TMEM40: variants seen among roughly 807,000 people sequenced by gnomAD.
TMEM40 encodes the protein transmembrane protein 40.
Under a neutral mutation model 40.8 loss-of-function variants are expected in TMEM40, and 34 were observed. The observed-to-expected ratio is 0.83, with a 90% CI of 0.63 to 1.11. TMEM40 has a LOEUF of 1.11. TMEM40 is among the 50% of genes least tolerant of loss of function. TMEM40 has a pLI of 0.00. For missense variants in TMEM40, 296 were observed against 280.2 expected, an observed-to-expected ratio of 1.06 and a Z score of -0.40; for synonymous variants, 106 against 107.0, an observed-to-expected ratio of 0.99 and a Z score of 0.06.
intron 1 of TMEM40, among the ~76,000 whole-genome samples, chr3:12,755,233 C>CTCTCTCTCTCTTTCTT (rs1553634013): frequency 3.0e-4 from 18 of 59,962 alleles, no homozygotes; most frequent in Middle Eastern, 8.6e-3. Flanking sequence ...CTCTCTCTCT[C>CTCTCTCTCTCTTTCTT]TCTTTCTTTC....
At chr3:12,754,213 G>A (rs1217208773) in intron 1 of TMEM40, among the ~76,000 whole-genome samples, 1 of 152,176 alleles carries the variant, frequency 6.6e-6, no homozygotes, top group African/African-American at 2.4e-5. Flanking sequence ...TCGGGAGGCT[G>A]AGGAAGGAGA....
chr3:12,749,869 A>G (rs761778851), intron 1 of TMEM40, 29 bp from the exon 2 acceptor site: 2 of 1,588,266 alleles, frequency 1.3e-6, no homozygotes, highest in South Asian at 2.2e-5. Flanking sequence ...TCAGTAGTTA[A>G]TATCACCTTA....
At chr3:12,740,440 G>A (rs911074136) in intron 5 of TMEM40, among the ~76,000 whole-genome samples, 6 of 148,314 alleles carry the variant, frequency 4.0e-5, no homozygotes, top group Non-Finnish European at 3.0e-5. Context: ...GGTGGCTCAC[G>A]CCTCTAATCC....
At position 12,744,024 on chromosome 3, in the gene TMEM40, C is replaced by T. The variant is rs78959948; in HGVS notation, c.212-35G>A. The T allele has an allele frequency of 7.8e-3, 12,498 of 1,597,190 alleles. 810 individuals are homozygous for T. In the African/African-American group the frequency reaches 0.14, roughly 18 times the overall value. On this transcript the variant is annotated intron_variant, in intron 3 of 11. Coordinates refer to ENST00000314124, the MANE Select transcript of TMEM40 (RefSeq NM_018306.4). ...ACAAACACAAGCTGTAGGAGAAGCT[C>T]AGCCTGGAACAAGCTGGGAATGCGT...
In TMEM40 at chr3:12,733,614, G is replaced by C. The variant is rs1452271734; in HGVS notation, c.*1160C>G. ...TCCCGTTAAATTAGGTTACATACAA[G>C]TACTTGAAATCAAAACCTCAGAAGT... On this transcript the variant is annotated 3_prime_UTR_variant, in exon 12 of 12. Coordinates refer to ENST00000314124, the MANE Select transcript of TMEM40 (RefSeq NM_018306.4). The C allele has an allele frequency of 6.6e-6, 1 of 152,012 alleles. No homozygotes were observed. The highest frequency in any genetic ancestry group is 1.9e-4 in the East Asian group (1 of 5,180). 9.4% of individuals were successfully genotyped at this position (152,012 alleles called of 1,614,324 possible).
At chr3:12,761,246 G>A (rs1220647439), upstream of TMEM40, among the ~76,000 whole-genome samples, 6 of 152,340 alleles carry the variant, frequency 3.9e-5, no homozygotes, top group African/African-American at 1.4e-4. Context: ...CAGGGCCTCA[G>A]CAGCCAGGCA....
intron 5 of TMEM40, 120 bp from the exon 6 acceptor site, chr3:12,738,708 G>T (rs1364135477): frequency 1.0e-5 from 11 of 1,065,238 alleles, no homozygotes; most frequent in Non-Finnish European, 1.6e-5. Flanking sequence ...TCGGCCAGGT[G>T]GGGAATGGAG....
At chr3:12,739,245 G>C (rs1293021325) in intron 5 of TMEM40, 2 of 152,160 alleles carry the variant, frequency 1.3e-5, no homozygotes, top group Non-Finnish European at 2.9e-5. Context: ...TACTATGTAA[G>C]AAAAGCCCTT....
intron 6 of TMEM40, 82 bp from the exon 7 acceptor site, chr3:12,738,250 G>A: frequency 6.7e-7 from 1 of 1,502,132 alleles, no homozygotes; most frequent in Non-Finnish European, 9.2e-7. Flanking sequence ...AAGGCTATAG[G>A]TGACCTAAAA....
chr3:12,743,385 T>C (rs2061398109), intron 4 of TMEM40, among the ~76,000 whole-genome samples: 1 of 152,146 alleles, frequency 6.6e-6, no homozygotes, highest in South Asian at 2.1e-4. Flanking sequence ...GAGAATCACT[T>C]GAACCCCAGA....
At chr3:12,751,891 A>T (rs2061480407) in intron 1 of TMEM40, among the ~76,000 whole-genome samples, 1 of 152,122 alleles carries the variant, frequency 6.6e-6, no homozygotes, top group Non-Finnish European at 1.5e-5. Flanking sequence ...CTCTTTTTCC[A>T]GTCTCATCTC....
chr3:12,749,947 G>A, intron 1 of TMEM40, 107 bp from the exon 2 acceptor site: 3 of 1,084,636 alleles, frequency 2.8e-6, no homozygotes, highest in Non-Finnish European at 4.0e-6. Flanking sequence ...AACATTCAAA[G>A]GAATAAGAAA....
intron 1 of TMEM40, among the ~76,000 whole-genome samples, chr3:12,756,053 G>A (rs1224251932): frequency 6.6e-6 from 1 of 152,156 alleles, no homozygotes; most frequent in Non-Finnish European, 1.5e-5. Context: ...AAAGAGCAAT[G>A]GAAAGGAGTC....
intron 5 of TMEM40, among the ~76,000 whole-genome samples, chr3:12,739,412 G>A (rs2061363937): frequency 6.6e-6 from 1 of 151,848 alleles, no homozygotes; most frequent in South Asian, 2.1e-4. Context: ...AGCCTCACGA[G>A]TAGCTGGGAC....
upstream of TMEM40, among the ~76,000 whole-genome samples, chr3:12,762,806 G>A (rs2061578230): frequency 6.6e-6 from 1 of 152,194 alleles, no homozygotes; most frequent in Non-Finnish European, 1.5e-5. Context: ...AACTCCAGGA[G>A]TGGGACCTAG....
chr3:12,768,956 G>C, intron 1 of TMEM40, among the ~76,000 whole-genome samples: 1 of 141,568 alleles, frequency 7.1e-6, no homozygotes, highest in East Asian at 2.1e-4. Flanking sequence ...GGGGGGCGGG[G>C]GGGCGCGGCC....
At chr3:12,755,239 CTTTCTTTCTTTCTTTCTT>C (rs2061516966) in intron 1 of TMEM40, among the ~76,000 whole-genome samples, 1 of 88,862 alleles carries the variant, frequency 1.1e-5, no homozygotes, top group Non-Finnish European at 2.1e-5. Context: ...CTCTCTCTTT[CTTTCTTTCTTTCTTTCTT>C]TCTTTCTTTC....
At chr3:12,756,356 G>A (rs1362449835) in intron 1 of TMEM40, among the ~76,000 whole-genome samples, 2 of 152,120 alleles carry the variant, frequency 1.3e-5, no homozygotes, top group African/African-American at 4.8e-5. Context: ...TGCTGGGGGT[G>A]CCAACGGCAT....
At chr3:12,738,314 G>T in intron 6 of TMEM40, 146 bp from the exon 7 acceptor site, 1 of 1,045,348 alleles carries the variant, frequency 9.6e-7, no homozygotes, top group Non-Finnish European at 1.4e-6. Context: ...TCTATTGATG[G>T]CTGGTTGGTT....
Sources: gnomAD v4.1 joint callset for allele counts (sites outside exome capture counted in the v4.1 genomes callset) on GRCh38, gnomAD v4.1.1 for gene constraint, MANE v1.5 for transcripts, NCBI Gene and HGNC (gene_info 2026-07-23, HGNC 2026-07-21) for gene names.